NAV2: variants seen among roughly 807,000 people sequenced by gnomAD.
NAV2 encodes helicase, APC down-regulated 1.
A neutral mutation model predicts 223.2 loss-of-function variants in NAV2; 54 were observed. The ratio of observed to expected loss-of-function variants is 0.24; its 90% CI spans 0.19 to 0.30. The LOEUF (loss-of-function observed/expected upper bound fraction) is 0.30, where lower values mean the gene tolerates loss of function less well. Ranked by LOEUF, NAV2 falls within the 10% of genes least tolerant of loss-of-function variation. The probability of loss-of-function intolerance (pLI) is 1.00; values close to 1 mark genes in which losing one functional copy is unlikely to be tolerated. For missense variants in NAV2, 2,806 were observed against 3,147.5 expected (o/e 0.89, Z 2.60); for synonymous variants, 1,279 against 1,239.3 (o/e 1.03, Z -0.67).
chr11:20,086,325 C>T (rs2060444475), intron 26 of NAV2, among the ~76,000 whole-genome samples: 1 of 152,200 alleles, frequency 6.6e-6, no homozygotes, highest in Non-Finnish European at 1.5e-5. Flanking sequence ...ATCACACTCT[C>T]CACCTCAAGG....
intron 1 of NAV2, among the ~76,000 whole-genome samples, chr11:19,821,979 C>G (rs1214886222): frequency 1.3e-5 from 2 of 152,214 alleles, no homozygotes; most frequent in Non-Finnish European, 2.9e-5. Context: ...GGGAAAGTCA[C>G]TTTGCCTCTT....
chr11:19,711,220 C>CT (rs2049858189), upstream of NAV2: 1 of 152,186 alleles, frequency 6.6e-6, no homozygotes, highest in Non-Finnish European at 1.5e-5. Context: ...GAGGTTAAGA[C>CT]TTTGATGTTT....
At chr11:20,059,536 G>A (rs957299634) in intron 19 of NAV2, among the ~76,000 whole-genome samples, 15 of 152,000 alleles carry the variant, frequency 9.9e-5, no homozygotes, top group African/African-American at 3.1e-4. Flanking sequence ...TTGACTGAAT[G>A]AAGGGACTAG....
chr11:19,964,763 A>T (rs2048620802), intron 10 of NAV2, among the ~76,000 whole-genome samples: 1 of 148,916 alleles, frequency 6.7e-6, no homozygotes, highest in Admixed American at 6.7e-5. Flanking sequence ...AGCCTCCCAA[A>T]ACGTTGGGAT....
intron 1 of NAV2, among the ~76,000 whole-genome samples, chr11:19,435,659 C>G (rs948586381): frequency 1.4e-4 from 21 of 152,076 alleles, no homozygotes; most frequent in Admixed American, 2.6e-4. Context: ...TACTGTTTTC[C>G]AAAATGCCTA....
At chr11:19,798,083 A>G (rs928011735) in intron 1 of NAV2, among the ~76,000 whole-genome samples, 3 of 152,154 alleles carry the variant, frequency 2.0e-5, no homozygotes, top group Non-Finnish European at 4.4e-5. Flanking sequence ...AGACAGACAC[A>G]CATTCCAGAC....
At chr11:19,605,174 T>C (rs1336881631) in intron 1 of NAV2, among the ~76,000 whole-genome samples, 2 of 152,166 alleles carry the variant, frequency 1.3e-5, no homozygotes, top group Non-Finnish European at 2.9e-5. Flanking sequence ...TGCCTGTTTT[T>C]TGAAAGGTCC....
chr11:19,398,312 G>C (rs1240756369), intron 1 of NAV2, among the ~76,000 whole-genome samples: 1 of 152,116 alleles, frequency 6.6e-6, no homozygotes, highest in Non-Finnish European at 1.5e-5. Context: ...ACTATTGCTA[G>C]GAGAGCAATG....
intron 1 of NAV2, among the ~76,000 whole-genome samples, chr11:19,514,273 A>G (rs2134257553): frequency 6.6e-6 from 1 of 152,214 alleles, no homozygotes; most frequent in Middle Eastern, 3.4e-3. Flanking sequence ...CTCATTTTCA[A>G]GCTTGGAGGG....
At chr11:19,979,861 A>G (rs78168900) in intron 10 of NAV2, among the ~76,000 whole-genome samples, 2,932 of 152,290 alleles carry the variant, frequency 0.019, 99 homozygotes, top group African/African-American at 0.067. Context: ...GACAGTTGGG[A>G]TTTGAACTCA....
chr11:20,076,732 G>C (rs2059779867), intron 22 of NAV2, among the ~76,000 whole-genome samples: 1 of 152,160 alleles, frequency 6.6e-6, no homozygotes, highest in Non-Finnish European at 1.5e-5. Flanking sequence ...TCAGGAAAAT[G>C]CCACATTTCC....
rs116443629 is a variant in NAV2, at chr11:19,956,291, A to G, written c.2645+7211A>G. Among the ~76,000 whole-genome samples, 811 of 152,044 alleles carry G rather than the reference A, an allele frequency of 5.3e-3. 6 individuals are homozygous for G. The highest frequency in any genetic ancestry group is 0.018 in the African/African-American group (764 of 41,454). ...TATAATTCAATTCAATTCGGACACA[A>G]TCTACCTAGAGTTAGCCTAGACGCC... On this transcript the variant is annotated intron_variant, in intron 10 of 37. Transcript: ENST00000349880.
At chr11:19,728,625 T>C (rs1291767212) in intron 1 of NAV2, among the ~76,000 whole-genome samples, 1 of 152,204 alleles carries the variant, frequency 6.6e-6, no homozygotes, top group Admixed American at 6.5e-5. Context: ...ACAGGCACCA[T>C]AGCAATGACC....
intron 19 of NAV2, chr11:20,056,703 G>A: frequency 2.1e-6 from 2 of 946,706 alleles, no homozygotes; most frequent in South Asian, 1.3e-5. Context: ...GACATTGGCG[G>A]CAATGCTCAT....
intron 3 of NAV2, among the ~76,000 whole-genome samples, chr11:19,848,703 C>A (rs944382003): frequency 2.6e-5 from 4 of 152,184 alleles, no homozygotes; most frequent in African/African-American, 9.7e-5. Flanking sequence ...TTGCTGGCCT[C>A]AGTAGATGTT....
intron 1 of NAV2, among the ~76,000 whole-genome samples, chr11:19,480,759 C>A (rs1156637322): frequency 6.6e-6 from 1 of 152,168 alleles, no homozygotes; most frequent in Non-Finnish European, 1.5e-5. Flanking sequence ...CTCCTTTGGC[C>A]CTTGTCATGT....
intron 1 of NAV2, among the ~76,000 whole-genome samples, chr11:19,584,802 T>C (rs951174474): frequency 2.6e-5 from 4 of 152,208 alleles, no homozygotes; most frequent in African/African-American, 4.8e-5. Context: ...CTTCCAACTA[T>C]GTGGTCAATT....
At position 19,946,498 on chromosome 11, in the gene NAV2, G is replaced by C. The variant is rs1286920415; in HGVS notation, c.2244G>C (p.Gln748His). 4.3e-6 allele frequency: 7 copies of C among 1,612,970 alleles called. No individual in the cohort carries two copies. The highest frequency in any genetic ancestry group is 5.9e-6 in the Non-Finnish European group (7 of 1,179,600). Reference protein sequence around the residue: ...EETMSSLRGTQVTHSTLETTF... With the variant: ...EETMSSLRGTHVTHSTLETTF... ...CCATGTCCAGTTTAAGGGGAACTCA[G>C]GTTACACACAGGTATCTGCAGTGTG... The change falls in exon 9 of 38, where the codon CAG (glutamine) becomes CAC (histidine). Residue 748 changes from glutamine (Q) to histidine (H), a missense_variant. Around this residue, in one of 4 missense-constraint regions of NAV2, gnomAD observed 1,167 missense variants for 1,180.5 expected, o/e 0.99. Coordinates refer to ENST00000349880, the MANE Select transcript of NAV2 (RefSeq NM_145117.5).
At chr11:19,623,749 CCTT>C (rs1017860110) in intron 1 of NAV2, among the ~76,000 whole-genome samples, 473 of 152,334 alleles carry the variant, frequency 3.1e-3, no homozygotes, top group African/African-American at 0.011. Context: ...TTGTCTGAAA[CCTT>C]CTTCTCTCAA....
Sources: allele counts gnomAD v4.1 joint callset (sites outside exome capture counted in the v4.1 genomes callset), GRCh38; gene constraint gnomAD v4.1.1; regional missense constraint gnomAD v4.1.1; transcripts MANE v1.5; gene names NCBI Gene and HGNC (gene_info 2026-07-23, HGNC 2026-07-21).